The following DLGAP1 variants were observed in gnomAD, a reference collection of about 807,000 sequenced individuals.
The protein encoded by DLGAP1 is disks large-associated protein 1.
In DLGAP1, 11 loss-of-function variants were observed where a neutral mutation model predicts 90.8. The ratio of observed to expected loss-of-function variants is 0.12; its 90% CI spans 0.08 to 0.20. The LOEUF (loss-of-function observed/expected upper bound fraction) is 0.20. Among genes scored for constraint, DLGAP1 ranks in the 10% least tolerant of loss-of-function variants. DLGAP1 has a pLI of 1.00. For synonymous variants in DLGAP1, 558 were observed against 540.7 expected, an observed-to-expected ratio of 1.03 and a Z score of -0.44; for missense variants, 1,050 against 1,333.8, an observed-to-expected ratio of 0.79 and a Z score of 3.31.
intron 1 of DLGAP1, among the ~76,000 whole-genome samples, chr18:4,198,996 C>T (rs2077557639): frequency 6.6e-6 from 1 of 152,146 alleles, no homozygotes. Context: ...TGCAAGTGCT[C>T]ATCAGTCAAA....
intron 2 of DLGAP1, among the ~76,000 whole-genome samples, chr18:4,052,675 T>C (rs2075153439): frequency 6.6e-6 from 1 of 152,240 alleles, no homozygotes; most frequent in Non-Finnish European, 1.5e-5. Flanking sequence ...TTTCTGCAGC[T>C]GGCTTGAATT....
chr18:3,647,470 C>T (rs1410624326), intron 7 of DLGAP1, among the ~76,000 whole-genome samples: 2 of 142,722 alleles, frequency 1.4e-5, no homozygotes, highest in East Asian at 2.1e-4. Context: ...ATTTAAGCTC[C>T]TTTTTTTTTT....
chr18:4,102,493 G>GA (rs2075796419), intron 2 of DLGAP1, among the ~76,000 whole-genome samples: 1 of 152,096 alleles, frequency 6.6e-6, no homozygotes, highest in Non-Finnish European at 1.5e-5. Context: ...AAAAGCCCTT[G>GA]AGCACCTATG....
intron 7 of DLGAP1, among the ~76,000 whole-genome samples, chr18:3,630,377 T>A (rs995632025): frequency 2.6e-5 from 4 of 152,098 alleles, no homozygotes; most frequent in African/African-American, 9.7e-5. Context: ...CTCTCCTGGT[T>A]CTCAGGCTCC....
Position 3,499,529 on chromosome 18 carries a change from T to A in DLGAP1, c.2725-135A>T. ...AGTTCTGATCTGCACACTGCATATC[T>A]ACTTTTTTCTTCATTATTCTGGCTT... is the stretch of plus-strand genomic sequence containing the variant. On this transcript the variant is annotated intron_variant, in intron 12 of 12. Coordinates refer to ENST00000315677, the MANE Select transcript of DLGAP1 (RefSeq NM_004746.4). The surrounding 1 kb of genome is among the most constrained non-coding windows in gnomAD (Gnocchi z 6.4). 1.2e-6 allele frequency: 1 copy of A among 840,416 alleles called. No individual in the cohort carries two copies. Among genetic ancestry groups the A allele is most frequent in the Non-Finnish European group, 1.8e-6 (1 of 562,810 alleles). 52.1% of individuals were successfully genotyped at this position (840,416 alleles called of 1,614,324 possible). A position where few individuals can be genotyped will look rare whatever the true frequency, so the allele number is the denominator to read the frequency against.
chr18:4,246,707 AG>A (rs2078660020), intron 1 of DLGAP1, among the ~76,000 whole-genome samples: 1 of 152,222 alleles, frequency 6.6e-6, no homozygotes, highest in South Asian at 2.1e-4. Flanking sequence ...ACAGAAAACA[AG>A]GTTCTGTTAA....
chr18:3,540,196 G>C (rs1173490417), intron 9 of DLGAP1, among the ~76,000 whole-genome samples: 1 of 152,112 alleles, frequency 6.6e-6, no homozygotes, highest in Non-Finnish European at 1.5e-5. Flanking sequence ...GCTGGGTGCA[G>C]TGGCTCACGT....
At chr18:3,842,845 C>T (rs1299447200) in intron 4 of DLGAP1, among the ~76,000 whole-genome samples, 1 of 151,980 alleles carries the variant, frequency 6.6e-6, no homozygotes, top group Non-Finnish European at 1.5e-5. Flanking sequence ...CTTTGTGTAC[C>T]CCAACCTGTG....
At chr18:3,864,295 T>C (rs2070258443) in intron 4 of DLGAP1, among the ~76,000 whole-genome samples, 2 of 152,210 alleles carry the variant, frequency 1.3e-5, no homozygotes, top group South Asian at 4.1e-4. Context: ...AATAACACCT[T>C]CAAAAACATA....
chr18:4,006,648 CTTT>C lies in DLGAP1; in HGVS notation c.-158-1450_-158-1448del, dbSNP rs148340836. Among the ~76,000 whole-genome samples, 301 of 141,292 alleles carry C rather than the reference CTTT, an allele frequency of 2.1e-3. 4 individuals carry two copies. Among genetic ancestry groups the C allele is most frequent in the African/African-American group, 6.8e-3 (264 of 38,692 alleles). 92.7% of individuals were successfully genotyped at this position (141,292 alleles called of 152,430 possible). Reference sequence around the variant, plus strand: ...CCTCTGTTCCCCACCCAACCCCTGGCTTTTTTTTTTTTTTTGAGACAGGGTATT... The same window carrying C: ...CCTCTGTTCCCCACCCAACCCCTGGCTTTTTTTTTTTTGAGACAGGGTATT... On this transcript the variant is annotated intron_variant, in intron 2 of 12. Coordinates refer to ENST00000315677, the MANE Select transcript of DLGAP1 (RefSeq NM_004746.4).
At chr18:4,442,455 C>T (rs1192986830) in intron 1 of DLGAP1, among the ~76,000 whole-genome samples, 1 of 152,128 alleles carries the variant, frequency 6.6e-6, no homozygotes, top group African/African-American at 2.4e-5. Context: ...AAAATACGCC[C>T]TATGCTACAA....
chr18:4,066,316 C>T (rs1426233690), intron 2 of DLGAP1, among the ~76,000 whole-genome samples: 1 of 151,944 alleles, frequency 6.6e-6, no homozygotes, highest in Non-Finnish European at 1.5e-5. Flanking sequence ...CAAATATGTT[C>T]TAATTAAACT....
At chr18:3,927,038 T>C (rs1341141704) in intron 3 of DLGAP1, among the ~76,000 whole-genome samples, 5 of 152,104 alleles carry the variant, frequency 3.3e-5, no homozygotes, top group Non-Finnish European at 5.9e-5. Context: ...AATAATAATT[T>C]AATAAAATAA....
chr18:4,211,490 T>C (rs2077839826), intron 1 of DLGAP1, among the ~76,000 whole-genome samples: 1 of 152,184 alleles, frequency 6.6e-6, no homozygotes, highest in South Asian at 2.1e-4. Flanking sequence ...GACCTAATCT[T>C]TCCAAATGAC....
intron 12 of DLGAP1, among the ~76,000 whole-genome samples, chr18:3,501,411 C>T (rs1462001380): frequency 1.3e-5 from 2 of 152,118 alleles, no homozygotes; most frequent in African/African-American, 4.8e-5. Context: ...TGAGAGGCCA[C>T]ATGTACATCA....
At chr18:4,159,851 T>C (rs1369447304) in intron 1 of DLGAP1, among the ~76,000 whole-genome samples, 5 of 152,204 alleles carry the variant, frequency 3.3e-5, no homozygotes, top group Non-Finnish European at 7.3e-5. Context: ...TGTACTTTTT[T>C]TTGGTCTGCG....
intron 1 of DLGAP1, among the ~76,000 whole-genome samples, chr18:4,335,281 A>G (rs2081045546): frequency 6.6e-6 from 1 of 151,980 alleles, no homozygotes; most frequent in Non-Finnish European, 1.5e-5. Flanking sequence ...ACTAAATGAT[A>G]AAAGTGTAGC....
intron 1 of DLGAP1, among the ~76,000 whole-genome samples, chr18:4,190,902 G>A (rs1490151541): frequency 2.0e-5 from 3 of 152,124 alleles, no homozygotes; most frequent in African/African-American, 7.2e-5. Context: ...TACTCTTCAA[G>A]TTTGAAAAGT....
intron 9 of DLGAP1, among the ~76,000 whole-genome samples, chr18:3,546,210 C>T (rs535186407): frequency 6.6e-6 from 1 of 152,058 alleles, no homozygotes; most frequent in African/African-American, 2.4e-5. Flanking sequence ...GTTGTCTGAG[C>T]CCAGGAGTTT....
Sources: gnomAD v4.1 joint callset for allele counts (sites outside exome capture counted in the v4.1 genomes callset) on GRCh38, gnomAD v4.1.1 for gene constraint, Gnocchi (gnomAD v3.1) non-coding constraint, MANE v1.5 for transcripts, NCBI Gene and HGNC (gene_info 2026-07-23, HGNC 2026-07-21) for gene names.